The following SLX4IP variants were observed in gnomAD, a reference collection of about 807,000 sequenced individuals.
SLX4IP encodes protein SLX4IP.
In SLX4IP, 34 loss-of-function variants were observed where a neutral mutation model predicts 32.9. That is an observed-to-expected ratio of 1.03 (90% confidence interval 0.79 to 1.38). The LOEUF is 1.38. Among genes scored for constraint, SLX4IP ranks in the 40% most tolerant of loss-of-function variants. The pLI is 0.00. For synonymous variants in SLX4IP, 172 were observed against 171.7 expected (o/e 1.00, Z -0.01); for missense variants, 444 against 479.0 (o/e 0.93, Z 0.68).
intron 4 of SLX4IP, among the ~76,000 whole-genome samples, chr20:10,588,338 A>G (rs1030378783): frequency 5.3e-5 from 8 of 152,204 alleles, no homozygotes; most frequent in Admixed American, 2.6e-4. Flanking sequence ...AATGGCTGTT[A>G]TAAAAAGAGA....
At chr20:10,480,667 C>G (rs1169501508) in intron 2 of SLX4IP, among the ~76,000 whole-genome samples, 7 of 151,938 alleles carry the variant, frequency 4.6e-5, no homozygotes, top group Admixed American at 2.0e-4. Context: ...TGTAGATTTT[C>G]CTATAAGATT....
intron 3 of SLX4IP, among the ~76,000 whole-genome samples, chr20:10,557,740 C>T (rs1023955032): frequency 2.0e-5 from 3 of 152,144 alleles, no homozygotes; most frequent in Admixed American, 1.3e-4. Context: ...ATATTGAGTC[C>T]GTTTTGCCCA....
At chr20:10,524,765 C>T (rs2065927823) in intron 2 of SLX4IP, among the ~76,000 whole-genome samples, 1 of 152,156 alleles carries the variant, frequency 6.6e-6, no homozygotes, top group South Asian at 2.1e-4. Flanking sequence ...TTTTCAAAGC[C>T]TCAGTTGACA....
At chr20:10,442,948 T>G (rs2122318088) in intron 1 of SLX4IP, among the ~76,000 whole-genome samples, 1 of 152,322 alleles carries the variant, frequency 6.6e-6, no homozygotes, top group Middle Eastern at 3.4e-3. Flanking sequence ...ACAAAGAAAT[T>G]TATGCACCAA....
chr20:10,602,555 C>CT (rs987209909), intron 6 of SLX4IP, among the ~76,000 whole-genome samples: 2 of 152,120 alleles, frequency 1.3e-5, no homozygotes, highest in African/African-American at 4.8e-5. Context: ...TCTACACAGA[C>CT]TTTTTTTCAT....
At chr20:10,505,907 G>C (rs1600940201) in intron 2 of SLX4IP, among the ~76,000 whole-genome samples, 1 of 151,974 alleles carries the variant, frequency 6.6e-6, no homozygotes, top group East Asian at 1.9e-4. Context: ...TTTTGGCTGA[G>C]AAACTACATA....
intron 2 of SLX4IP, among the ~76,000 whole-genome samples, chr20:10,474,782 G>A (rs559617053): frequency 3.9e-5 from 6 of 152,342 alleles, no homozygotes; most frequent in African/African-American, 1.4e-4. Context: ...TGCTGAATCA[G>A]AGGTGTTGGG....
chr20:10,441,988 T>C (rs2065163426), intron 1 of SLX4IP, among the ~76,000 whole-genome samples: 1 of 152,234 alleles, frequency 6.6e-6, no homozygotes, highest in South Asian at 2.1e-4. Context: ...TCTTGAATTA[T>C]AGCTGTAACT....
chr20:10,548,162 T>A (rs592429), intron 2 of SLX4IP, among the ~76,000 whole-genome samples: 1 of 151,976 alleles, frequency 6.6e-6, no homozygotes, highest in East Asian at 1.9e-4. Flanking sequence ...ACTGGGGCAT[T>A]ATTAGAAGAG....
intron 1 of SLX4IP, among the ~76,000 whole-genome samples, chr20:10,457,089 C>T (rs183082679): frequency 1.1e-4 from 16 of 152,172 alleles, no homozygotes; most frequent in Admixed American, 2.0e-4. Context: ...CCTTGCTGAA[C>T]TTATTAATTC....
At chr20:10,474,587 T>A (rs1224935254) in intron 2 of SLX4IP, among the ~76,000 whole-genome samples, 1 of 152,158 alleles carries the variant, frequency 6.6e-6, no homozygotes. Context: ...CTCCCATTTG[T>A]GGTCAAATAA....
chr20:10,521,749 T>A (rs1207887082), intron 2 of SLX4IP, among the ~76,000 whole-genome samples: 2 of 152,142 alleles, frequency 1.3e-5, no homozygotes, highest in Non-Finnish European at 2.9e-5. Context: ...CCTCACCACA[T>A]CTCTCTTCCT....
At chr20:10,492,804 C>T (rs2065634950) in intron 2 of SLX4IP, among the ~76,000 whole-genome samples, 1 of 151,998 alleles carries the variant, frequency 6.6e-6, no homozygotes, top group Admixed American at 6.6e-5. Flanking sequence ...TTTTTACTTC[C>T]CAATGGATAA....
chr20:10,606,782 C>T (rs926186252), intron 6 of SLX4IP, among the ~76,000 whole-genome samples: 8 of 152,058 alleles, frequency 5.3e-5, no homozygotes, highest in African/African-American at 7.2e-5. Context: ...AACTGAGGTC[C>T]GTGTGTATGT....
intron 3 of SLX4IP, 139 bp from the exon 4 acceptor site, chr20:10,560,560 AC>A (rs1475419041): frequency 5.0e-6 from 3 of 605,010 alleles, no homozygotes; most frequent in Non-Finnish European, 7.7e-6. Context: ...ATTCATGAGC[AC>A]ATATGACATT....
At chr20:10,548,538 C>A (rs771157702) in intron 2 of SLX4IP, among the ~76,000 whole-genome samples, 1 of 152,182 alleles carries the variant, frequency 6.6e-6, no homozygotes, top group Non-Finnish European at 1.5e-5. Context: ...CACACCCGGC[C>A]TCTCCAGGCC....
chr20:10,479,608 C>A (rs1472234570), intron 2 of SLX4IP, among the ~76,000 whole-genome samples: 1 of 142,628 alleles, frequency 7.0e-6, no homozygotes, highest in Non-Finnish European at 1.5e-5. Flanking sequence ...CCTTGGCTCC[C>A]AAAGTCCTGG....
At chr20:10,548,891 A>G (rs2066190950) in intron 2 of SLX4IP, among the ~76,000 whole-genome samples, 1 of 152,162 alleles carries the variant, frequency 6.6e-6, no homozygotes, top group South Asian at 2.1e-4. Flanking sequence ...GATTTTTGCA[A>G]TTGGACTAAA....
intron 3 of SLX4IP, among the ~76,000 whole-genome samples, chr20:10,557,975 C>G (rs1425528010): frequency 6.6e-6 from 1 of 152,162 alleles, no homozygotes; most frequent in African/African-American, 2.4e-5. Flanking sequence ...GGGCAGGTCG[C>G]TGTAGCAGGC....
Sources: allele counts gnomAD v4.1 joint callset (sites outside exome capture counted in the v4.1 genomes callset), GRCh38; gene constraint gnomAD v4.1.1; transcripts MANE v1.5; gene names NCBI Gene and HGNC (gene_info 2026-07-23, HGNC 2026-07-21).